CRISPLD1: variants seen among roughly 807,000 people sequenced by gnomAD.
CRISPLD1 encodes cysteine rich secretory protein LCCL domain containing 1.
In CRISPLD1, 60 loss-of-function variants were observed where a neutral mutation model predicts 77.5. The observed-to-expected ratio is 0.77, with a 90% CI of 0.63 to 0.96. CRISPLD1 has a LOEUF of 0.96. Among genes scored for constraint, CRISPLD1 ranks in the 40% least tolerant of loss-of-function variants. The pLI, the probability that CRISPLD1 is intolerant of heterozygous loss-of-function variation, is 0.00. For missense variants in CRISPLD1, 623 were observed against 615.8 expected (o/e 1.01, Z -0.12); for synonymous variants, 195 against 200.1 (o/e 0.97, Z 0.22).
intron 12 of CRISPLD1, among the ~76,000 whole-genome samples, chr8:75,022,316 G>A (rs1813149744): frequency 6.6e-6 from 1 of 151,956 alleles, no homozygotes; most frequent in Non-Finnish European, 1.5e-5. Flanking sequence ...GCCAGGCGTG[G>A]TGGCTCACGC....
chr8:75,005,202 T>G (rs1812807540), intron 2 of CRISPLD1, among the ~76,000 whole-genome samples: 1 of 152,100 alleles, frequency 6.6e-6, no homozygotes, highest in Non-Finnish European at 1.5e-5. Flanking sequence ...ACCAGAAATG[T>G]TATTTTACAG....
chr8:75,010,024 C>G (rs979769145), intron 2 of CRISPLD1, among the ~76,000 whole-genome samples: 1 of 152,042 alleles, frequency 6.6e-6, no homozygotes, highest in Non-Finnish European at 1.5e-5. Context: ...TGTCTTAAAA[C>G]CATTCATCTT....
chr8:74,993,580 G>A (rs533576608), intron 2 of CRISPLD1, among the ~76,000 whole-genome samples: 25 of 152,190 alleles, frequency 1.6e-4, no homozygotes, highest in African/African-American at 4.6e-4. Context: ...TAAAGTGAAT[G>A]TATTTTTCTT....
intron 2 of CRISPLD1, among the ~76,000 whole-genome samples, chr8:75,003,445 T>C (rs1298790480): frequency 6.6e-6 from 1 of 152,192 alleles, no homozygotes; most frequent in Non-Finnish European, 1.5e-5. Flanking sequence ...ACCTAAGTTA[T>C]GGTTATTTTG....
chr8:75,030,579 A>T (rs1269074545), intron 14 of CRISPLD1, among the ~76,000 whole-genome samples: 2 of 152,090 alleles, frequency 1.3e-5, no homozygotes, highest in Non-Finnish European at 2.9e-5. Context: ...ATTTTTGAGT[A>T]CCTACTATGA....
chr8:75,025,502 TAACCAGC>T lies in CRISPLD1; in HGVS notation c.1245-43_1245-37del, dbSNP rs1237399558. Reference sequence around the variant, plus strand: ...GTTTTACTAATAAGAAAGACTTAAGTAACCAGCTTACTTAATATATATATAATATATT... The same window carrying T: ...GTTTTACTAATAAGAAAGACTTAAGTTTACTTAATATATATATAATATATT... On this transcript the variant is annotated intron_variant, in intron 12 of 14. Transcript: ENST00000262207. 6 of 810,718 alleles carry T rather than the reference TAACCAGC, an allele frequency of 7.4e-6. No homozygotes were observed. In the East Asian group the frequency reaches 1.7e-4, roughly 23 times the overall value. 50.2% of individuals were successfully genotyped at this position (810,718 alleles called of 1,614,324 possible). A position where few individuals can be genotyped will look rare whatever the true frequency, so the allele number is the denominator to read the frequency against.
At chr8:75,000,771 G>T (rs1448867644) in intron 2 of CRISPLD1, among the ~76,000 whole-genome samples, 1 of 151,814 alleles carries the variant, frequency 6.6e-6, no homozygotes, top group Admixed American at 6.6e-5. Flanking sequence ...CTGTGCCATG[G>T]TAATCTTTGC....
intron 2 of CRISPLD1, among the ~76,000 whole-genome samples, chr8:74,996,709 C>CTTTT (rs1178454369): frequency 1.6e-4 from 12 of 73,378 alleles, no homozygotes; most frequent in East Asian, 8.0e-4. Flanking sequence ...GAGCCAGAAT[C>CTTTT]TTTTTTTTTT....
intron 12 of CRISPLD1, among the ~76,000 whole-genome samples, chr8:75,021,451 T>A (rs1387745575): frequency 6.6e-6 from 1 of 152,224 alleles, no homozygotes; most frequent in Non-Finnish European, 1.5e-5. Context: ...TTGAGAATTT[T>A]AAAATTCTTC....
At chr8:75,000,638 A>G (rs1420766260) in intron 2 of CRISPLD1, among the ~76,000 whole-genome samples, 1 of 152,052 alleles carries the variant, frequency 6.6e-6, no homozygotes, top group East Asian at 1.9e-4. Flanking sequence ...TAAACCCTCC[A>G]TACAGAGTTA....
chr8:74,995,505 G>A (rs1812632968), intron 2 of CRISPLD1, among the ~76,000 whole-genome samples: 1 of 152,080 alleles, frequency 6.6e-6, no homozygotes, highest in African/African-American at 2.4e-5. Context: ...TTGAGTCAGG[G>A]TCTCTGTCCC....
chr8:75,029,256 C>A, intron 13 of CRISPLD1, 131 bp from the exon 14 acceptor site: 1 of 907,342 alleles, frequency 1.1e-6, no homozygotes, highest in Non-Finnish European at 1.6e-6. Context: ...AAAACCTCAT[C>A]CTGTAGCTGC....
At chr8:75,017,182 A>G (rs1813047253) in intron 9 of CRISPLD1, 69 bp downstream of exon 9, 34 of 1,522,374 alleles carry the variant, frequency 2.2e-5, no homozygotes, top group Non-Finnish European at 2.9e-5. Context: ...TTATTGTGCA[A>G]AATAACACCT....
intron 12 of CRISPLD1, among the ~76,000 whole-genome samples, chr8:75,020,512 A>G (rs546414400): frequency 3.0e-4 from 46 of 152,306 alleles, no homozygotes; most frequent in African/African-American, 1.0e-3. Flanking sequence ...GTGTCCTCAC[A>G]TGGTGGAGGG....
chr8:74,988,158 T>A (rs1400057991), intron 2 of CRISPLD1, among the ~76,000 whole-genome samples: 1 of 152,212 alleles, frequency 6.6e-6, no homozygotes, highest in African/African-American at 2.4e-5. Context: ...TAAGGCGAAG[T>A]CTAAAATACT....
chr8:75,006,341 G>A (rs1035007086), intron 2 of CRISPLD1, among the ~76,000 whole-genome samples: 12 of 151,986 alleles, frequency 7.9e-5, no homozygotes, highest in African/African-American at 2.2e-4. Flanking sequence ...CATCAGTTTT[G>A]CAAAAAGTTG....
chr8:75,026,038 T>C lies in CRISPLD1; in HGVS notation c.1320+417T>C, dbSNP rs149824604. ...AGCATAGAGTCATAGAGATGCTACA[T>C]TGAAATATATGCAAAAGAGAACTAG... is the stretch of plus-strand genomic sequence containing the variant. On this transcript the variant is annotated intron_variant, in intron 13 of 14. Transcript: ENST00000262207. 4.5e-3 allele frequency among the ~76,000 whole-genome samples: 679 copies of C among 152,278 alleles called. 3 individuals are homozygous for C. Among genetic ancestry groups the C allele is most frequent in the African/African-American group, 0.015 (631 of 41,550 alleles).
chr8:75,015,186 A>G (rs1207551377), intron 6 of CRISPLD1, among the ~76,000 whole-genome samples: 1 of 152,162 alleles, frequency 6.6e-6, no homozygotes, highest in Non-Finnish European at 1.5e-5. Context: ...TATATTCTTA[A>G]AAAGAGTCAT....
chr8:75,025,545 G>T lies in CRISPLD1; in HGVS notation c.1245-1G>T. ...TATATATAATATATTATTTTTTTCA[G>T]AGTATACTGTCCTCGTAACTGTATG... On this transcript the variant is annotated splice_acceptor_variant, in intron 12 of 14. Transcript: ENST00000262207. LOFTEE classifies it high-confidence loss of function. The T allele has an allele frequency of 6.8e-7, 1 of 1,464,010 alleles. No individual in the cohort carries two copies. The highest frequency in any genetic ancestry group is 9.4e-7 in the Non-Finnish European group (1 of 1,063,990). The allele number at this position is 1,464,010 out of a possible 1,614,324, so 90.7% of individuals were successfully genotyped here.
Sources: allele counts gnomAD v4.1 joint callset (sites outside exome capture counted in the v4.1 genomes callset), GRCh38; gene constraint gnomAD v4.1.1; transcripts MANE v1.5; gene names NCBI Gene and HGNC (gene_info 2026-07-23, HGNC 2026-07-21).